The following TENT5D variants were observed in gnomAD, a reference collection of about 807,000 sequenced individuals.
The protein encoded by TENT5D is cancer/testis antigen 112.
For synonymous variants in TENT5D, 103 were observed against 100.6 expected (o/e 1.02, Z -0.15); for missense variants, 191 against 287.0 (o/e 0.67, Z 2.42).
intron 3 of TENT5D, among the ~76,000 whole-genome samples, chrX:80,415,403 G>T (rs1332561580): frequency 9.0e-6 from 1 of 111,717 alleles, no homozygotes; most frequent in Non-Finnish European, 1.9e-5. Flanking sequence ...AAATCTTCCA[G>T]CTTTTGCCCA....
At chrX:80,409,552 C>CCCTTG (rs1931591535) in intron 3 of TENT5D, among the ~76,000 whole-genome samples, 1 of 110,077 alleles carries the variant, frequency 9.1e-6, no homozygotes, top group Non-Finnish European at 1.9e-5. Flanking sequence ...ATGTGAAGGA[C>CCCTTG]CTCTTCAAGC....
chrX:80,442,178 A>G (rs1305936296), intron 2 of TENT5D, among the ~76,000 whole-genome samples: 1 of 111,251 alleles, frequency 9.0e-6, no homozygotes, highest in Non-Finnish European at 1.9e-5. Context: ...CATTATGGTT[A>G]TCCCATGAAC....
Position 80,353,036 on chromosome X carries a change from A to T in TENT5D, c.-142+10472A>T, listed in dbSNP as rs1344509340. On this transcript the variant is annotated intron_variant, in intron 3 of 4. Transcript: ENST00000538312. ...CCTAACCAGTCCCAATGAGATGAAC[A>T]GGCTACCTCAGTTGGAAATGCAGAA... Among the ~76,000 whole-genome samples the T allele has an allele frequency of 2.7e-5, 3 of 111,850 alleles. No individual in the cohort carries two copies. The Admixed American group carries it at 2.8e-4, about 11-fold the overall frequency.
chrX:80,339,728 GA>G (rs943171048), intron 2 of TENT5D, among the ~76,000 whole-genome samples: 32 of 106,709 alleles, frequency 3.0e-4, no homozygotes, highest in Admixed American at 6.0e-4. Context: ...AGAATAAAAT[GA>G]AAAAAAAAGT....
intron 3 of TENT5D, among the ~76,000 whole-genome samples, chrX:80,389,939 T>TAAAGTAG (rs1353716110): frequency 5.4e-5 from 6 of 111,724 alleles, no homozygotes. Flanking sequence ...ATGAAAATGA[T>TAAAGTAG]ACAGTAGAGT....
At chrX:80,428,196 G>A (rs1380214207) in intron 1 of TENT5D, among the ~76,000 whole-genome samples, 1 of 112,210 alleles carries the variant, frequency 8.9e-6, no homozygotes, top group African/African-American at 3.2e-5. Context: ...TTCAGACGGG[G>A]AGTTTTTTAG....
At chrX:80,346,901 T>C (rs1474917610) in intron 3 of TENT5D, among the ~76,000 whole-genome samples, 2 of 110,979 alleles carry the variant, frequency 1.8e-5, no homozygotes, top group Non-Finnish European at 3.8e-5. Context: ...ATTGTTTGGC[T>C]CCCACTTATG....
chrX:80,424,003 A>G (rs947191571), intron 1 of TENT5D, among the ~76,000 whole-genome samples: 1 of 109,674 alleles, frequency 9.1e-6, no homozygotes, highest in Non-Finnish European at 1.9e-5. Flanking sequence ...CCAAGGGCCC[A>G]CCCTAACTGC....
intron 3 of TENT5D, among the ~76,000 whole-genome samples, chrX:80,348,720 G>T (rs774250701): frequency 2.7e-5 from 3 of 111,767 alleles, no homozygotes; most frequent in African/African-American, 9.7e-5. Context: ...GTGAGAGAGG[G>T]CATCCTTGTC....
intron 3 of TENT5D, among the ~76,000 whole-genome samples, chrX:80,356,459 A>G (rs1014882526): frequency 3.6e-5 from 4 of 111,794 alleles, no homozygotes; most frequent in African/African-American, 1.3e-4. Flanking sequence ...TTTTGGTGCT[A>G]GTAAAATTGT....
At chrX:80,435,812 A>G (rs937314924) in intron 1 of TENT5D, among the ~76,000 whole-genome samples, 4 of 112,660 alleles carry the variant, frequency 3.6e-5, no homozygotes, top group Non-Finnish European at 5.6e-5. Context: ...TTTTGTAAGC[A>G]AAACTTATCT....
intron 3 of TENT5D, among the ~76,000 whole-genome samples, chrX:80,385,378 G>A (rs1462259941): frequency 9.0e-6 from 1 of 111,103 alleles, no homozygotes; most frequent in Non-Finnish European, 1.9e-5. Context: ...TATATAGAAA[G>A]CTGAAACTGG....
chrX:80,386,019 T>A (rs1474085316), intron 3 of TENT5D, among the ~76,000 whole-genome samples: 3 of 112,053 alleles, frequency 2.7e-5, no homozygotes, highest in Non-Finnish European at 1.9e-5. Context: ...GTGTGGCAAT[T>A]CCTCAGGGAT....
chrX:80,376,932 A>C (rs761331666), intron 3 of TENT5D, among the ~76,000 whole-genome samples: 1 of 111,663 alleles, frequency 9.0e-6, no homozygotes, highest in South Asian at 3.7e-4. Context: ...TTAAGAATAT[A>C]GTGAGCACCT....
At chrX:80,443,553 T>C in exon 3 of TENT5D, 2 of 1,210,613 alleles carry the variant, frequency 1.7e-6, no homozygotes, top group Non-Finnish European at 2.2e-6. Flanking sequence ...AACTAAATAT[T>C]CTACCCAATA....
intron 3 of TENT5D, among the ~76,000 whole-genome samples, chrX:80,347,037 G>A (rs1047488993): frequency 6.3e-5 from 7 of 111,621 alleles, no homozygotes; most frequent in African/African-American, 1.6e-4. Context: ...ATAGTATTCC[G>A]TAGTGTATAT....
chrX:80,392,914 C>T (rs1002399898), intron 3 of TENT5D, among the ~76,000 whole-genome samples: 3 of 111,441 alleles, frequency 2.7e-5, no homozygotes, highest in Non-Finnish European at 5.6e-5. Context: ...ATGATAAAAA[C>T]TCTTATTTTC....
chrX:80,339,872 TAGAGAG>T (rs745730739), intron 2 of TENT5D, among the ~76,000 whole-genome samples: 63 of 103,920 alleles, frequency 6.1e-4, no homozygotes, highest in Non-Finnish European at 1.0e-3. Context: ...TATATATATA[TAGAGAG>T]AGAGAGAGAG....
intron 3 of TENT5D, among the ~76,000 whole-genome samples, chrX:80,400,628 C>T (rs985691815): frequency 3.6e-5 from 4 of 112,190 alleles, no homozygotes; most frequent in Non-Finnish European, 7.5e-5. Context: ...CCGAATTCAG[C>T]TTTCAGGATT....
Sources: gnomAD v4.1 joint callset for allele counts (sites outside exome capture counted in the v4.1 genomes callset) on GRCh38, gnomAD v4.1.1 for gene constraint, MANE v1.5 for transcripts, NCBI Gene and HGNC (gene_info 2026-07-23, HGNC 2026-07-21) for gene names.